The following APPBP2 variants were observed in gnomAD, a reference collection of about 807,000 sequenced individuals.
APPBP2 encodes the protein amyloid beta precursor protein binding protein 2.
In APPBP2, 15 loss-of-function variants were observed where a neutral mutation model predicts 76.0. The observed-to-expected ratio is 0.20, with a 90% CI of 0.13 to 0.30. The LOEUF is 0.30. APPBP2 is among the 10% of genes least tolerant of loss of function. APPBP2 has a pLI of 1.00. For synonymous variants in APPBP2, 222 were observed against 242.2 expected, an observed-to-expected ratio of 0.92 and a Z score of 0.77; for missense variants, 401 against 687.2, an observed-to-expected ratio of 0.58 and a Z score of 4.66.
At chr17:60,458,772 T>G (rs998015788) in intron 9 of APPBP2, among the ~76,000 whole-genome samples, 4 of 145,598 alleles carry the variant, frequency 2.7e-5, no homozygotes, top group South Asian at 2.1e-4. Flanking sequence ...AAGTTCTGGT[T>G]TTTTTTTTTG....
intron 1 of APPBP2, among the ~76,000 whole-genome samples, chr17:60,508,057 C>T (rs1266548359): frequency 1.3e-5 from 2 of 151,910 alleles, no homozygotes; most frequent in Admixed American, 1.3e-4. Context: ...ACTGCAGCCT[C>T]CGCTTCCTGG....
At chr17:60,518,388 TG>T (rs2090981149) in intron 1 of APPBP2, among the ~76,000 whole-genome samples, 3 of 131,840 alleles carry the variant, frequency 2.3e-5, no homozygotes, top group Non-Finnish European at 4.7e-5. Context: ...TGTGTGTGTG[TG>T]TGTGTGTGTG....
intron 3 of APPBP2, among the ~76,000 whole-genome samples, chr17:60,483,402 CT>C (rs890255527): frequency 1.3e-5 from 2 of 151,222 alleles, no homozygotes; most frequent in Admixed American, 6.6e-5. Context: ...ATGACAGTTT[CT>C]TTTTTTTTGA....
chr17:60,503,244 C>T (rs1486123216), intron 1 of APPBP2, among the ~76,000 whole-genome samples: 1 of 145,858 alleles, frequency 6.9e-6, no homozygotes, highest in East Asian at 1.9e-4. Context: ...ATTTCTTGAC[C>T]TCATGATCCG....
At chr17:60,516,898 T>C (rs564130387) in intron 1 of APPBP2, among the ~76,000 whole-genome samples, 1 of 152,252 alleles carries the variant, frequency 6.6e-6, no homozygotes, top group African/African-American at 2.4e-5. Context: ...GAAGACAAAA[T>C]AAGGTTGAGT....
chr17:60,483,007 C>T (rs1455093343), intron 3 of APPBP2, among the ~76,000 whole-genome samples: 3 of 152,224 alleles, frequency 2.0e-5, no homozygotes, highest in Admixed American at 6.5e-5. Flanking sequence ...AATCGCCACA[C>T]TGTCTTCCAC....
At chr17:60,455,916 T>C (rs545874543) in intron 10 of APPBP2, among the ~76,000 whole-genome samples, 15 of 152,286 alleles carry the variant, frequency 9.8e-5, no homozygotes, top group African/African-American at 3.1e-4. Context: ...TAGCTGGGAT[T>C]ACAGGTGCAC....
At chr17:60,465,637 G>C (rs947856274) in intron 5 of APPBP2, among the ~76,000 whole-genome samples, 1 of 152,138 alleles carries the variant, frequency 6.6e-6, no homozygotes, top group Non-Finnish European at 1.5e-5. Context: ...AGGAGGCCAA[G>C]GTAGAGGATC....
intron 4 of APPBP2, among the ~76,000 whole-genome samples, chr17:60,472,311 T>C (rs986442978): frequency 6.6e-6 from 1 of 152,170 alleles, no homozygotes; most frequent in African/African-American, 2.4e-5. Context: ...GTTGGAAGGT[T>C]TTTGATTATG....
At chr17:60,448,984 GT>G (rs1306356784) in intron 12 of APPBP2, among the ~76,000 whole-genome samples, 1 of 152,150 alleles carries the variant, frequency 6.6e-6, no homozygotes, top group Non-Finnish European at 1.5e-5. Flanking sequence ...AATTTAACAT[GT>G]TAAATAAACC....
chr17:60,492,889 C>A (rs756616186), intron 3 of APPBP2, among the ~76,000 whole-genome samples: 1 of 152,016 alleles, frequency 6.6e-6, no homozygotes, highest in Non-Finnish European at 1.5e-5. Context: ...ATGAGATTTG[C>A]GAGGGGCCAG....
rs2090348435 is a variant in APPBP2 at position 60,446,517 on chromosome 17, CAG to C, written c.*1062_*1063del. 1 of 152,204 alleles carries C rather than the reference CAG, an allele frequency of 6.6e-6. No homozygotes were observed. Among genetic ancestry groups the C allele is most frequent in the Non-Finnish European group, 1.5e-5 (1 of 68,032 alleles). The allele number at this position is 152,204 out of a possible 1,614,324, so 9.4% of individuals were successfully genotyped here. On this transcript the variant is annotated 3_prime_UTR_variant, in exon 13 of 13. Coordinates refer to ENST00000083182, the MANE Select transcript of APPBP2 (RefSeq NM_006380.5). ...TTTTCATTAATCTCCATAAACCATA[CAG>C]TAACCTAACATTTCCATCTGAACAT...
At chr17:60,476,235 C>CT (rs2090590204) in intron 4 of APPBP2, among the ~76,000 whole-genome samples, 1 of 152,142 alleles carries the variant, frequency 6.6e-6, no homozygotes, top group African/African-American at 2.4e-5. Context: ...TAGGAAGGTT[C>CT]TCTGACCTTT....
rs761786028 is a variant in APPBP2, at chr17:60,464,108, T to G, written c.675A>C (p.Ala225=). ...TCATTGCCTCGATGCACCATTTGTATGCCTAAAAAAATTATTTATAGAAGA... is the reference window on the plus strand; with the variant it reads ...TCATTGCCTCGATGCACCATTTGTAGGCCTAAAAAAATTATTTATAGAAGA... ...LLFAKSHYDE[A]YKWCIEAMKE... Residue 225 remains alanine (A), a splice_region_variant and synonymous_variant, in exon 6 of 13, where the codon GCA becomes GCC. Transcript: ENST00000083182. The G allele has an allele frequency of 6.2e-7, 1 of 1,605,904 alleles. No individual in the cohort carries two copies. The highest frequency in any genetic ancestry group is 1.7e-5 in the Admixed American group (1 of 57,894).
intron 1 of APPBP2, among the ~76,000 whole-genome samples, chr17:60,510,469 C>A (rs556911856): frequency 6.6e-6 from 1 of 152,014 alleles, no homozygotes. Context: ...CACCTGTAAT[C>A]CCAGCACTCT....
chr17:60,494,097 G>C (rs2090753361), intron 3 of APPBP2, among the ~76,000 whole-genome samples: 1 of 152,160 alleles, frequency 6.6e-6, no homozygotes, highest in Non-Finnish European at 1.5e-5. Context: ...ACAGTAAGCA[G>C]GTCAAAGAGG....
chr17:60,504,520 C>CA (rs1414005241), intron 1 of APPBP2, among the ~76,000 whole-genome samples: 1 of 152,118 alleles, frequency 6.6e-6, no homozygotes, highest in Non-Finnish European at 1.5e-5. Context: ...CCAGATTTAT[C>CA]AAAGTTTTAA....
chr17:60,513,050 C>G (rs145500170), intron 1 of APPBP2: 106 of 172,046 alleles, frequency 6.2e-4, no homozygotes, highest in African/African-American at 2.5e-3. Flanking sequence ...TCCGTGGGTG[C>G]TATAACAGGT....
chr17:60,467,493 T>C (rs1251415791), intron 4 of APPBP2, among the ~76,000 whole-genome samples: 1 of 152,222 alleles, frequency 6.6e-6, no homozygotes, highest in African/African-American at 2.4e-5. Flanking sequence ...ATGACTACTA[T>C]ACAATGCCAA....
Sources: allele counts gnomAD v4.1 joint callset (sites outside exome capture counted in the v4.1 genomes callset), GRCh38; gene constraint gnomAD v4.1.1; transcripts MANE v1.5; gene names NCBI Gene and HGNC (gene_info 2026-07-23, HGNC 2026-07-21).